The following NPIPA6 variants were observed in gnomAD, a reference collection of about 807,000 sequenced individuals.
NPIPA6 encodes nuclear pore complex interacting protein family, member A6.
At chr16:16,343,019 ATACT>A in the NPIPA6 span, among the ~76,000 whole-genome samples, 2 of 93,350 alleles carry the variant, frequency 2.1e-5, no homozygotes, top group African/African-American at 4.1e-5. Flanking sequence ...CTGTGGTAAA[ATACT>A]TACAAGATGA....
the NPIPA6 span, among the ~76,000 whole-genome samples, chr16:16,338,620 G>A: frequency 1.7e-4 from 8 of 47,848 alleles, no homozygotes; most frequent in African/African-American, 3.1e-4. Flanking sequence ...TCCTGATCTC[G>A]CGGTCCACCC....
At chr16:16,343,518 TC>T in the NPIPA6 span, among the ~76,000 whole-genome samples, 34 of 82,830 alleles carry the variant, frequency 4.1e-4, no homozygotes, top group African/African-American at 1.8e-3. Context: ...TGCCTCAGCC[TC>T]CCGACTAGCT....
At chr16:16,343,328 T>C in the NPIPA6 span, among the ~76,000 whole-genome samples, 4 of 111,244 alleles carry the variant, frequency 3.6e-5, no homozygotes, top group Admixed American at 8.8e-5. Context: ...CTTGACCTTG[T>C]GATTCACCCG....
the NPIPA6 span, among the ~76,000 whole-genome samples, chr16:16,343,713 T>G: frequency 1.3e-3 from 108 of 81,400 alleles, no homozygotes; most frequent in Non-Finnish European, 1.8e-3. Context: ...TTCTTGTGTG[T>G]TGTGTGTGTG....
At chr16:16,336,612 C>CGGT in the NPIPA6 span, 3 of 200,582 alleles carry the variant, frequency 1.5e-5, no homozygotes, top group Admixed American at 2.4e-4. Context: ...AGATCGGGCC[C>CGGT]GGTCCCCGTC....
At chr16:16,343,978 C>G in the NPIPA6 span, 5 of 18,130 alleles carry the variant, frequency 2.8e-4, no homozygotes, top group Admixed American at 6.6e-4. Context: ...CTCGGCCTCC[C>G]AAAGTACTGG....
At chr16:16,333,462 G>C in the NPIPA6 span, among the ~76,000 whole-genome samples, 1 of 83,672 alleles carries the variant, frequency 1.2e-5, no homozygotes, top group East Asian at 4.6e-4. Flanking sequence ...GCTGTCAACC[G>C]TTCAGTGGCA....
chr16:16,344,267 C>T, the NPIPA6 span: 2 of 4,592 alleles, frequency 4.4e-4, no homozygotes, highest in South Asian at 2.5e-3. Flanking sequence ...GGCTGAGGTC[C>T]GTTTGTATGC....
the NPIPA6 span, among the ~76,000 whole-genome samples, chr16:16,343,647 C>T: frequency 2.4e-5 from 3 of 125,636 alleles, no homozygotes; most frequent in Non-Finnish European, 4.9e-5. Context: ...CCGCCTGCCT[C>T]GGCCTCCCAA....
the NPIPA6 span, among the ~76,000 whole-genome samples, chr16:16,343,712 G>GT: frequency 9.7e-5 from 10 of 103,472 alleles, no homozygotes; most frequent in East Asian, 3.6e-3. Flanking sequence ...ATTCTTGTGT[G>GT]TTGTGTGTGT....
chr16:16,343,715 G>T, the NPIPA6 span, among the ~76,000 whole-genome samples: 1,583 of 48,636 alleles, frequency 0.033, 3 homozygotes, highest in African/African-American at 0.099. Context: ...CTTGTGTGTT[G>T]TGTGTGTGTG....
At chr16:16,343,712 GT>G in the NPIPA6 span, among the ~76,000 whole-genome samples, 2 of 103,334 alleles carry the variant, frequency 1.9e-5, no homozygotes, top group African/African-American at 3.9e-5. Flanking sequence ...ATTCTTGTGT[GT>G]TGTGTGTGTG....
At chr16:16,343,399 T>A in the NPIPA6 span, among the ~76,000 whole-genome samples, 319 of 49,402 alleles carry the variant, frequency 6.5e-3, 21 homozygotes, top group East Asian at 0.069. Flanking sequence ...CCTATATATT[T>A]TTTTTTTTTT....
the NPIPA6 span, among the ~76,000 whole-genome samples, chr16:16,343,401 T>G: frequency 9.7e-5 from 5 of 51,546 alleles, 1 homozygote; most frequent in South Asian, 3.8e-3. Context: ...TATATATTTT[T>G]TTTTTTTTTT....
chr16:16,336,683 C>G, the NPIPA6 span: 1 of 96,278 alleles, frequency 1.0e-5, no homozygotes, highest in Admixed American at 2.1e-4. Context: ...TCAGGGCGCC[C>G]TGAAAGGACC....
the NPIPA6 span, among the ~76,000 whole-genome samples, chr16:16,343,086 TCA>T: frequency 1.8e-5 from 2 of 111,532 alleles, no homozygotes; most frequent in African/African-American, 3.5e-5. Flanking sequence ...TGAAGTATAT[TCA>T]TGTCATTTTT....
chr16:16,337,167 A>C, the NPIPA6 span, among the ~76,000 whole-genome samples: 6 of 102,300 alleles, frequency 5.9e-5, 1 homozygote, highest in Middle Eastern at 4.5e-3. Flanking sequence ...GTCTCTAACA[A>C]ACAAAACGGA....
the NPIPA6 span, among the ~76,000 whole-genome samples, chr16:16,343,403 T>TA: frequency 2.0e-5 from 1 of 48,856 alleles, no homozygotes; most frequent in Non-Finnish European, 4.0e-5. Flanking sequence ...TATATTTTTT[T>TA]TTTTTTTTTT....
the NPIPA6 span, chr16:16,336,596 C>T: frequency 4.4e-6 from 1 of 226,538 alleles, no homozygotes; most frequent in East Asian, 1.2e-4. Context: ...TCCCCCTCCC[C>T]AACTCAGATC....
Sources: allele counts gnomAD v4.1 joint callset (sites outside exome capture counted in the v4.1 genomes callset), GRCh38; gene constraint gnomAD v4.1.1; transcripts MANE v1.5; gene names NCBI Gene and HGNC (gene_info 2026-07-23, HGNC 2026-07-21).